TGM6: variants seen among roughly 807,000 people sequenced by gnomAD.
TGM6 encodes the protein protein-glutamine gamma-glutamyltransferase 6.
Under a neutral mutation model 77.5 loss-of-function variants are expected in TGM6, and 74 were observed. The ratio of observed to expected loss-of-function variants is 0.96; its 90% CI spans 0.79 to 1.16. The LOEUF is 1.16. Among genes scored for constraint, TGM6 ranks in the 50% most tolerant of loss-of-function variants. The pLI, the probability that TGM6 is intolerant of heterozygous loss-of-function variation, is 0.00. For synonymous variants in TGM6, 383 were observed against 378.9 expected, an observed-to-expected ratio of 1.01 and a Z score of -0.12; for missense variants, 968 against 940.2, an observed-to-expected ratio of 1.03 and a Z score of -0.39.
intron 9 of TGM6, among the ~76,000 whole-genome samples, chr20:2,414,024 G>T (rs1430272978): frequency 6.6e-6 from 1 of 152,024 alleles, no homozygotes; most frequent in African/African-American, 2.4e-5. Context: ...TGAAATATAT[G>T]TATATGTAAC....
At chr20:2,403,550 C>T (rs745703185) in intron 8 of TGM6, 31 bp from the exon 9 acceptor site, 3 of 1,614,030 alleles carry the variant, frequency 1.9e-6, no homozygotes, top group Non-Finnish European at 2.5e-6. Context: ...TTTCCTTACC[C>T]ATGCTGCTCA....
chr20:2,400,091 A>T (rs1257555179), intron 6 of TGM6, among the ~76,000 whole-genome samples: 1 of 152,174 alleles, frequency 6.6e-6, no homozygotes, highest in East Asian at 1.9e-4. Context: ...GCAACAGCAT[A>T]TCCTGAAGTC....
intron 12 of TGM6, among the ~76,000 whole-genome samples, chr20:2,432,058 T>C (rs1302053396): frequency 6.6e-6 from 1 of 152,076 alleles, no homozygotes; most frequent in Non-Finnish European, 1.5e-5. Flanking sequence ...TTTTTGTTTG[T>C]TTGTTTTTGA....
intron 12 of TGM6, among the ~76,000 whole-genome samples, chr20:2,431,629 T>C (rs2084924583): frequency 6.6e-6 from 1 of 152,226 alleles, no homozygotes; most frequent in East Asian, 1.9e-4. Context: ...CAGATGGCCC[T>C]TCACATGAGG....
chr20:2,414,124 C>G (rs2084800408), intron 9 of TGM6, among the ~76,000 whole-genome samples: 1 of 152,162 alleles, frequency 6.6e-6, no homozygotes, highest in Admixed American at 6.5e-5. Flanking sequence ...CCCATCCTAG[C>G]ACCTTGAGAG....
At chr20:2,413,001 T>C (rs2084793724) in intron 9 of TGM6, among the ~76,000 whole-genome samples, 1 of 151,994 alleles carries the variant, frequency 6.6e-6, no homozygotes. Flanking sequence ...TACAGCTGAG[T>C]TTTTTTCCCC....
intron 1 of TGM6, among the ~76,000 whole-genome samples, chr20:2,387,067 A>G (rs1348709271): frequency 2.0e-5 from 3 of 152,244 alleles, no homozygotes; most frequent in Non-Finnish European, 2.9e-5. Context: ...TCCTCAGGCA[A>G]GAAGTCCCTT....
At position 2,395,110 on chromosome 20, in the gene TGM6, C is replaced by T. The variant is rs984831894; in HGVS notation, c.182-84C>T. On this transcript the variant is annotated intron_variant, in intron 2 of 12. Coordinates refer to ENST00000202625, the MANE Select transcript of TGM6 (RefSeq NM_198994.3). Reference sequence around the variant, plus strand: ...AGAAGTTCAGGGGGTGAAGGTGGGGCTTCCAGGCCTGTAGCTTTTTTCACT... The same window carrying T: ...AGAAGTTCAGGGGGTGAAGGTGGGGTTTCCAGGCCTGTAGCTTTTTTCACT... 6.4e-6 allele frequency: 10 copies of T among 1,565,636 alleles called. 1 individual carries two copies. Among genetic ancestry groups the T allele is most frequent in the Non-Finnish European group, 8.6e-6 (10 of 1,162,646 alleles).
intron 9 of TGM6, among the ~76,000 whole-genome samples, chr20:2,410,175 C>A (rs1465229326): frequency 1.3e-5 from 2 of 152,108 alleles, no homozygotes; most frequent in Non-Finnish European, 2.9e-5. Context: ...GGACTTTAAA[C>A]CCCATCTCTG....
intron 9 of TGM6, among the ~76,000 whole-genome samples, chr20:2,410,737 G>A (rs1174457737): frequency 6.6e-6 from 1 of 152,108 alleles, no homozygotes; most frequent in Non-Finnish European, 1.5e-5. Context: ...CAGAGAGTTG[G>A]AGAACTGGTT....
intron 1 of TGM6, among the ~76,000 whole-genome samples, chr20:2,382,798 G>A (rs1276956360): frequency 6.6e-6 from 1 of 152,110 alleles, no homozygotes; most frequent in African/African-American, 2.4e-5. Flanking sequence ...CTCCATCCAT[G>A]GTGGACATCC....
chr20:2,388,339 G>A (rs1017843410), intron 1 of TGM6, among the ~76,000 whole-genome samples: 3 of 152,176 alleles, frequency 2.0e-5, no homozygotes, highest in Non-Finnish European at 2.9e-5. Context: ...GATGCCTGTG[G>A]TGAAGCTCAC....
chr20:2,414,943 G>GA (rs33998426), intron 9 of TGM6, among the ~76,000 whole-genome samples: 1 of 139,424 alleles, frequency 7.2e-6, no homozygotes, highest in African/African-American at 2.7e-5. Context: ...TTGGGGGGGG[G>GA]GGTGAAAAAA....
At chr20:2,395,807 A>G (rs2084661482) in intron 3 of TGM6, among the ~76,000 whole-genome samples, 1 of 152,256 alleles carries the variant, frequency 6.6e-6, no homozygotes, top group Non-Finnish European at 1.5e-5. Context: ...GTGAACACCC[A>G]TAGGGCTAAT....
intron 4 of TGM6, among the ~76,000 whole-genome samples, chr20:2,396,948 C>A (rs966826461): frequency 6.6e-6 from 1 of 152,192 alleles, no homozygotes; most frequent in African/African-American, 2.4e-5. Context: ...ACCCCACCCC[C>A]AGAGCTGCCG....
Position 2,394,250 on chromosome 20 carries a change from C to T in TGM6, c.8-202C>T, listed in dbSNP as rs573999462. Reference sequence around the variant, plus strand: ...CAGAGGTTGCGGTGAATTGAGATCACGCCACTGCACGCCAGCCTGGGTGAT... The same window carrying T: ...CAGAGGTTGCGGTGAATTGAGATCATGCCACTGCACGCCAGCCTGGGTGAT... On this transcript the variant is annotated intron_variant, in intron 1 of 12. Transcript: ENST00000202625. Among the ~76,000 whole-genome samples the T allele has an allele frequency of 5.8e-4, 88 of 152,272 alleles. 1 individual carries two copies. The highest frequency in any genetic ancestry group is 1.0e-3 in the Non-Finnish European group (71 of 68,020).
chr20:2,429,100 C>G (rs1050255339), intron 10 of TGM6, among the ~76,000 whole-genome samples: 1 of 152,218 alleles, frequency 6.6e-6, no homozygotes, highest in Non-Finnish European at 1.5e-5. Flanking sequence ...GCTGGGATTA[C>G]AGGCGTGAGC....
intron 1 of TGM6, among the ~76,000 whole-genome samples, chr20:2,383,538 C>T (rs967553627): frequency 3.3e-5 from 5 of 152,192 alleles, no homozygotes; most frequent in African/African-American, 1.2e-4. Flanking sequence ...TCAATGCCAA[C>T]AAGATGGCTG....
intron 1 of TGM6, among the ~76,000 whole-genome samples, chr20:2,391,642 C>T (rs1238361143): frequency 1.3e-5 from 2 of 152,160 alleles, no homozygotes; most frequent in African/African-American, 2.4e-5. Context: ...CAAGATGAAG[C>T]AGCAGTTTCT....
Sources: allele counts gnomAD v4.1 joint callset (sites outside exome capture counted in the v4.1 genomes callset), GRCh38; gene constraint gnomAD v4.1.1; transcripts MANE v1.5; gene names NCBI Gene and HGNC (gene_info 2026-07-23, HGNC 2026-07-21).